The following PARD3 variants were observed in gnomAD, a reference collection of about 807,000 sequenced individuals.
The protein encoded by PARD3 is par-3 family cell polarity regulator.
A neutral mutation model predicts 155.4 loss-of-function variants in PARD3; 75 were observed. That is an observed-to-expected ratio of 0.48 (90% CI 0.40 to 0.58). PARD3 has a LOEUF of 0.58. PARD3 is among the 20% of genes least tolerant of loss of function. PARD3 has a pLI of 0.00. For missense variants in PARD3, 1,642 were observed against 1,721.7 expected (o/e 0.95, Z 0.82); for synonymous variants, 576 against 610.5 (o/e 0.94, Z 0.83).
intron 14 of PARD3, among the ~76,000 whole-genome samples, chr10:34,349,609 A>AAAAAAAAAAAAAAAAAAAAAAAAAAAAT (rs1837816092): frequency 7.7e-6 from 1 of 130,090 alleles, no homozygotes; most frequent in African/African-American, 2.8e-5. Context: ...AAAAAAAAAA[A>AAAAAAAAAAAAAAAAAAAAAAAAAAAAT]GCTAATAAAA....
At chr10:34,199,433 A>G (rs1951104912) in intron 22 of PARD3, among the ~76,000 whole-genome samples, 1 of 152,110 alleles carries the variant, frequency 6.6e-6, no homozygotes. Context: ...TGTGAGGACT[A>G]AGGGGTAATT....
At chr10:34,341,302 A>C (rs564888678) in intron 16 of PARD3, among the ~76,000 whole-genome samples, 1 of 152,274 alleles carries the variant, frequency 6.6e-6, no homozygotes, top group South Asian at 2.1e-4. Context: ...CCAAGAATTT[A>C]TTTAATTAAA....
intron 2 of PARD3, among the ~76,000 whole-genome samples, chr10:34,540,549 C>G (rs2083537206): frequency 6.6e-6 from 1 of 152,120 alleles, no homozygotes; most frequent in East Asian, 1.9e-4. Flanking sequence ...ATGGCTTGGG[C>G]CCGGGAGACA....
intron 2 of PARD3, among the ~76,000 whole-genome samples, chr10:34,574,630 G>A (rs537982737): frequency 2.6e-4 from 39 of 152,288 alleles, no homozygotes; most frequent in African/African-American, 9.1e-4. Context: ...TGAAAAATGA[G>A]GGAGTTAAGC....
chr10:34,353,145 C>T (rs1413801537), intron 14 of PARD3, among the ~76,000 whole-genome samples: 1 of 152,128 alleles, frequency 6.6e-6, no homozygotes, highest in Non-Finnish European at 1.5e-5. Flanking sequence ...GCAGCCCCCG[C>T]CCGGCCAGCC....
chr10:34,138,962 C>A (rs1436682533), intron 22 of PARD3, among the ~76,000 whole-genome samples: 5 of 144,518 alleles, frequency 3.5e-5, no homozygotes, highest in Admixed American at 6.9e-5. Context: ...TACCACACTC[C>A]AAAAAAAAAA....
chr10:34,531,031 T>C (rs183061961), intron 2 of PARD3, among the ~76,000 whole-genome samples: 1 of 152,320 alleles, frequency 6.6e-6, no homozygotes, highest in East Asian at 1.9e-4. Context: ...TCCAGGCCTT[T>C]ATGTTGTGCA....
intron 22 of PARD3, among the ~76,000 whole-genome samples, chr10:34,258,655 C>T (rs1954789363): frequency 6.6e-6 from 1 of 152,006 alleles, no homozygotes; most frequent in African/African-American, 2.4e-5. Flanking sequence ...GTAGTGAAAA[C>T]CTTAACCAAG....
Position 34,674,767 on chromosome 10 carries a change from G to A in PARD3, c.222+21551C>T, listed in dbSNP as rs570005638. Among the ~76,000 whole-genome samples the A allele has an allele frequency of 1.1e-3, 163 of 152,198 alleles. 1 individual carries two copies. The highest frequency in any genetic ancestry group is 2.4e-3 in the Admixed American group (36 of 15,288). On this transcript the variant is annotated intron_variant, in intron 2 of 24. Transcript: ENST00000374788. ...CTCCCAAAGTGCTGGGATTACAGGCGTGAGCCACCGTGCCCAGCCCTCACT... is the reference window on the plus strand; with the variant it reads ...CTCCCAAAGTGCTGGGATTACAGGCATGAGCCACCGTGCCCAGCCCTCACT...
chr10:34,660,077 A>T (rs1235115042), intron 2 of PARD3, among the ~76,000 whole-genome samples: 1 of 152,220 alleles, frequency 6.6e-6, no homozygotes, highest in Admixed American at 6.5e-5. Flanking sequence ...TGTTTTCCCC[A>T]AATCTTCCCC....
At chr10:34,668,167 T>G (rs1014226376) in intron 2 of PARD3, among the ~76,000 whole-genome samples, 3 of 152,142 alleles carry the variant, frequency 2.0e-5, no homozygotes, top group South Asian at 4.2e-4. Context: ...CAACTACAAA[T>G]GAAAACCATC....
intron 1 of PARD3, among the ~76,000 whole-genome samples, chr10:34,754,366 A>G (rs1836448797): frequency 6.6e-6 from 1 of 152,142 alleles, no homozygotes; most frequent in Admixed American, 6.6e-5. Context: ...TATTTACCTT[A>G]CCAATAAAAA....
chr10:34,625,115 T>C (rs1186211189), intron 2 of PARD3, among the ~76,000 whole-genome samples: 1 of 152,234 alleles, frequency 6.6e-6, no homozygotes, highest in African/African-American at 2.4e-5. Flanking sequence ...TCCCCAATGT[T>C]GTCAAGGATC....
intron 20 of PARD3, among the ~76,000 whole-genome samples, chr10:34,298,085 A>G (rs1423331245): frequency 6.6e-6 from 1 of 152,208 alleles, no homozygotes; most frequent in East Asian, 1.9e-4. Context: ...AAATGTAACC[A>G]TCCTCACAGA....
At chr10:34,760,140 T>C (rs908947391) in intron 1 of PARD3, among the ~76,000 whole-genome samples, 3 of 152,182 alleles carry the variant, frequency 2.0e-5, no homozygotes, top group Non-Finnish European at 4.4e-5. Flanking sequence ...TTTATGTCTC[T>C]GTGTAAACCC....
rs200959898 is a variant in PARD3 at position 34,439,581 on chromosome 10, CT to C, written c.714+10735del. ...CAAATGATTATCCTGCCTCAGCCAT[CT>C]GAGTAGTTGGGATTACTGCGTGTGC... On this transcript the variant is annotated intron_variant, in intron 5 of 24. Transcript: ENST00000374788. 7.8e-3 allele frequency among the ~76,000 whole-genome samples: 1,180 copies of C among 152,220 alleles called. 13 individuals are homozygous for C. The highest frequency in any genetic ancestry group is 0.027 in the African/African-American group (1,117 of 41,524).
At chr10:34,497,704 C>T (rs1442052803) in intron 3 of PARD3, among the ~76,000 whole-genome samples, 8 of 152,122 alleles carry the variant, frequency 5.3e-5, no homozygotes, top group Non-Finnish European at 1.5e-5. Context: ...TCCTAAAATG[C>T]TGTTCCTCAC....
chr10:34,653,670 C>T (rs2093081245), intron 2 of PARD3, among the ~76,000 whole-genome samples: 1 of 152,010 alleles, frequency 6.6e-6, no homozygotes, highest in South Asian at 2.1e-4. Flanking sequence ...GTGGTCCCAG[C>T]TACACAAGAG....
chr10:34,253,583 C>T (rs183580445), intron 22 of PARD3, among the ~76,000 whole-genome samples: 15 of 152,156 alleles, frequency 9.9e-5, no homozygotes, highest in African/African-American at 3.1e-4. Context: ...CTCATTATCC[C>T]GCAGGTCTTA....
Sources: allele counts gnomAD v4.1 joint callset (sites outside exome capture counted in the v4.1 genomes callset), GRCh38; gene constraint gnomAD v4.1.1; transcripts MANE v1.5; gene names NCBI Gene and HGNC (gene_info 2026-07-23, HGNC 2026-07-21).